The following ANK3 variants were observed in gnomAD, a reference collection of about 807,000 sequenced individuals.
ANK3 encodes the protein ankyrin-3.
In ANK3, 57 loss-of-function variants were observed where a neutral mutation model predicts 370.9. The ratio of observed to expected loss-of-function variants is 0.15; its 90% confidence interval spans 0.12 to 0.19. The LOEUF is 0.19. ANK3 is among the 10% of genes least tolerant of loss of function. The pLI is 1.00. For synonymous variants in ANK3, 1,929 were observed against 1,946.3 expected (o/e 0.99, Z 0.23); for missense variants, 4,439 against 5,302.1 (o/e 0.84, Z 5.06).
intron 21 of ANK3, among the ~76,000 whole-genome samples, chr10:60,169,764 T>G (rs1054507199): frequency 2.6e-5 from 4 of 152,238 alleles, no homozygotes; most frequent in African/African-American, 4.8e-5. Flanking sequence ...ATAGTTATTT[T>G]ACAGTTTGCA....
At chr10:60,670,058 C>T (rs958941109) in intron 1 of ANK3, among the ~76,000 whole-genome samples, 1 of 152,020 alleles carries the variant, frequency 6.6e-6, no homozygotes, top group African/African-American at 2.4e-5. Context: ...CTCCTGGGCT[C>T]AAGGGATCCT....
intron 1 of ANK3, among the ~76,000 whole-genome samples, chr10:60,369,621 T>C (rs912529082): frequency 6.6e-6 from 1 of 152,170 alleles, no homozygotes; most frequent in African/African-American, 2.4e-5. Context: ...TTTCTTTACA[T>C]TGGTAAATGT....
At chr10:60,671,420 T>C (rs1184581665) in intron 1 of ANK3, among the ~76,000 whole-genome samples, 1 of 152,244 alleles carries the variant, frequency 6.6e-6, no homozygotes, top group South Asian at 2.1e-4. Flanking sequence ...GGTCACTTCC[T>C]CTCAGAGGTC....
chr10:60,248,000 C>T (rs1303903645), intron 7 of ANK3, among the ~76,000 whole-genome samples: 1 of 152,196 alleles, frequency 6.6e-6, no homozygotes, highest in Non-Finnish European at 1.5e-5. Flanking sequence ...CATGCTGTAG[C>T]ATGCATCAAA....
intron 1 of ANK3, among the ~76,000 whole-genome samples, chr10:60,616,607 T>C (rs1237171739): frequency 1.3e-5 from 2 of 152,166 alleles, no homozygotes; most frequent in Non-Finnish European, 1.5e-5. Context: ...CTAGTATTTA[T>C]GATATACATT....
At chr10:60,451,535 T>C (rs1472413986) in intron 2 of ANK3, among the ~76,000 whole-genome samples, 1 of 152,146 alleles carries the variant, frequency 6.6e-6, no homozygotes, top group Non-Finnish European at 1.5e-5. Flanking sequence ...AGAAGCTACA[T>C]TAGGCTGCTT....
rs765312947 is a variant in ANK3, at chr10:60,134,367, G to A, written c.2745C>T (p.Arg915=). Residue 915 remains arginine (R), a synonymous_variant, in exon 25 of 44, where the codon CGC becomes CGT. Transcript: ENST00000280772. The stretch of plus-strand genomic sequence containing the variant: ...TGTAAGACCTATCCGAACTGAAGGA[G>A]CGGAGGCTGTTGTATTTACAGTTAA... The part of the protein sequence containing the change: ...FSLGARSASL[R]SFSSDRSYTL... 2.0e-5 allele frequency: 33 copies of A among 1,612,570 alleles called. No individual in the cohort carries two copies. In the African/African-American group the frequency reaches 2.7e-4, roughly 13 times the overall value.
At chr10:60,709,637 C>A (rs1355174959) in intron 1 of ANK3, among the ~76,000 whole-genome samples, 1 of 151,948 alleles carries the variant, frequency 6.6e-6, no homozygotes, top group Non-Finnish European at 1.5e-5. Context: ...CCAGCCTGGG[C>A]AACATGGCGA....
intron 23 of ANK3, among the ~76,000 whole-genome samples, chr10:60,143,949 G>C (rs2094687847): frequency 6.6e-6 from 1 of 152,180 alleles, no homozygotes. Context: ...CAGGGAAAGA[G>C]AGAGACAAAA....
chr10:60,553,941 A>C (rs1395353765), intron 2 of ANK3, among the ~76,000 whole-genome samples: 3 of 152,192 alleles, frequency 2.0e-5, no homozygotes, highest in Non-Finnish European at 2.9e-5. Flanking sequence ...GTTTCGACCC[A>C]TGCTAAGTTT....
At chr10:60,509,124 G>A (rs1446244524) in intron 2 of ANK3, among the ~76,000 whole-genome samples, 1 of 152,068 alleles carries the variant, frequency 6.6e-6, no homozygotes, top group Non-Finnish European at 1.5e-5. Flanking sequence ...TCACTACCCT[G>A]CAGTTTTCTG....
intron 1 of ANK3, among the ~76,000 whole-genome samples, chr10:60,659,948 T>C (rs2078914564): frequency 6.6e-6 from 1 of 152,160 alleles, no homozygotes; most frequent in Non-Finnish European, 1.5e-5. Context: ...TCTACTCTAC[T>C]AATATGATCA....
At position 60,211,892 on chromosome 10, in the gene ANK3, CAAA is replaced by C. The variant is rs72238553; in HGVS notation, c.996+1517_996+1519del. Among the ~76,000 whole-genome samples the C allele has an allele frequency of 7.3e-3, 680 of 93,372 alleles. 4 individuals are homozygous for C. The highest frequency in any genetic ancestry group is 0.011 in the African/African-American group (234 of 20,830). 61.3% of individuals were successfully genotyped at this position (93,372 alleles called of 152,430 possible). A position where few individuals can be genotyped will look rare whatever the true frequency, so the allele number is the denominator to read the frequency against. On this transcript the variant is annotated intron_variant, in intron 9 of 43. Transcript: ENST00000280772. ...AAGCCTTCATTGTAAAATACAGAGC[CAAA>C]AAAAAAAAAAAAAAAAAAGGAAAAA... is the stretch of plus-strand genomic sequence containing the variant.
chr10:60,375,563 T>C (rs887444893), intron 1 of ANK3, among the ~76,000 whole-genome samples: 1 of 152,116 alleles, frequency 6.6e-6, no homozygotes, highest in African/African-American at 2.4e-5. Flanking sequence ...CCGAGGCACC[T>C]TCACTGACTG....
Position 60,071,124 on chromosome 10 carries a change from C to T in ANK3, c.9757G>A (p.Glu3253Lys), listed in dbSNP as rs1489795458. ...TCCAGTGGTGGAGGAGGGGGAAATT[C>T]AATATAGGCAACTCTGTTATTTTTG... ...RPKNNRVAYI[E>K]FPPPPPLDAD... is the part of the protein sequence containing the mutation. The change falls in exon 37 of 44, where the codon GAA becomes AAA. Residue 3253 changes from glutamate (E) to lysine (K), a missense_variant. Physicochemically the swap from Glu to Lys is moderately conservative, Grantham distance 56. This residue lies in a region of ANK3 where 1,601 missense variants were observed against 1,731.7 expected (regional missense o/e 0.92). Coordinates refer to ENST00000280772, the MANE Select transcript of ANK3 (RefSeq NM_020987.5). 6.2e-7 allele frequency: 1 copy of T among 1,614,078 alleles called. No individual in the cohort carries two copies. Among genetic ancestry groups the T allele is most frequent in the East Asian group, 2.2e-5 (1 of 44,874 alleles).
At chr10:60,177,600 T>TTTTTTG (rs2096008361) in intron 18 of ANK3, among the ~76,000 whole-genome samples, 1 of 142,392 alleles carries the variant, frequency 7.0e-6, no homozygotes, top group Non-Finnish European at 1.5e-5. Context: ...AATCTTTTTT[T>TTTTTTG]TTTTTTTTTT....
At position 60,692,898 on chromosome 10, in the gene ANK3, C is replaced by CA. The variant is rs886231020; in HGVS notation, c.57+40364dup. On this transcript the variant is annotated intron_variant, in intron 1 of 43. Coordinates refer to the ANK3 transcript ENST00000373827. ...AGAATTGAATGACACTTACAAAAAA[C>CA]AAAAAAATTATTTTATTACCACTTA... 4.6e-5 allele frequency among the ~76,000 whole-genome samples: 7 copies of CA among 152,216 alleles called. No homozygotes were observed. The East Asian group carries it at 1.2e-3, about 25-fold the overall frequency.
chr10:60,645,260 A>T (rs1380036467), intron 1 of ANK3, among the ~76,000 whole-genome samples: 1 of 152,192 alleles, frequency 6.6e-6, no homozygotes, highest in Non-Finnish European at 1.5e-5. Flanking sequence ...ACATTCTATT[A>T]AAAAATTATT....
At chr10:60,348,645 C>T (rs1293577217) in intron 1 of ANK3, among the ~76,000 whole-genome samples, 1 of 152,030 alleles carries the variant, frequency 6.6e-6, no homozygotes, top group Non-Finnish European at 1.5e-5. Context: ...AGAGTAAAGC[C>T]CTTGTATTTG....
Sources: gnomAD v4.1 joint callset for allele counts (sites outside exome capture counted in the v4.1 genomes callset) on GRCh38, gnomAD v4.1.1 for gene constraint, gnomAD v4.1.1 regional missense constraint, MANE v1.5 for transcripts, NCBI Gene and HGNC (gene_info 2026-07-23, HGNC 2026-07-21) for gene names.